The following CNIH3 variants were observed in gnomAD, a reference collection of about 807,000 sequenced individuals.
CNIH3 encodes cornichon family AMPA receptor auxiliary protein 3.
In CNIH3, 14 loss-of-function variants were observed where a neutral mutation model predicts 24.1. The observed-to-expected ratio is 0.58, with a 90% CI of 0.38 to 0.91. CNIH3 has a LOEUF of 0.91. CNIH3 is among the 40% of genes least tolerant of loss of function. CNIH3 has a pLI of 0.00. For synonymous variants in CNIH3, 68 were observed against 73.8 expected (o/e 0.92, Z 0.40); for missense variants, 178 against 196.8 (o/e 0.90, Z 0.57).
chr1:224,657,611 A>T (rs963887275), intron 1 of CNIH3, among the ~76,000 whole-genome samples: 3 of 152,210 alleles, frequency 2.0e-5, no homozygotes, highest in Non-Finnish European at 4.4e-5. Context: ...CAGTCCATGC[A>T]ATTAGTCCTG....
chr1:224,623,189 C>T (rs989249935), intron 1 of CNIH3, among the ~76,000 whole-genome samples: 1 of 152,152 alleles, frequency 6.6e-6, no homozygotes, highest in Non-Finnish European at 1.5e-5. Flanking sequence ...CACTCTGCTG[C>T]CCCAGGGGCT....
rs556565981 is a variant in CNIH3, at chr1:224,703,358, C to G, written c.198+18515C>G. Among the ~76,000 whole-genome samples, 4 of 152,172 alleles carry G rather than the reference C, an allele frequency of 2.6e-5. No individual in the cohort carries two copies. Among genetic ancestry groups the G allele is most frequent in the Non-Finnish European group, 5.9e-5 (4 of 68,024 alleles). On this transcript the variant is annotated intron_variant, in intron 3 of 5. Transcript: ENST00000272133. The surrounding 1 kb of genome is among the most constrained non-coding windows in gnomAD (Gnocchi z 4.2). ...CTTAGCAGAGGGGCTCAAACTTTGC[C>G]GCACATTAGAATCACCTGGGGGAAA... is the stretch of plus-strand genomic sequence containing the variant.
At chr1:224,532,084 A>G (rs1479632724) in intron 2 of CNIH3, among the ~76,000 whole-genome samples, 3 of 152,188 alleles carry the variant, frequency 2.0e-5, no homozygotes, top group Non-Finnish European at 4.4e-5. Context: ...ATGTACTTAT[A>G]AGGTATGGTG....
At chr1:224,647,235 G>C (rs1433225411) in intron 1 of CNIH3, among the ~76,000 whole-genome samples, 1 of 152,182 alleles carries the variant, frequency 6.6e-6, no homozygotes. Context: ...CGCTTGCTTC[G>C]GCATCCCAAA....
chr1:224,498,582 T>C (rs917051740), intron 1 of CNIH3, among the ~76,000 whole-genome samples: 4 of 152,172 alleles, frequency 2.6e-5, no homozygotes. Flanking sequence ...TTGTTTCTTA[T>C]GAAACTAAAA....
intron 1 of CNIH3, chr1:224,664,952 G>T (rs1417117672): frequency 6.6e-6 from 1 of 152,024 alleles, no homozygotes; most frequent in Non-Finnish European, 1.5e-5. Context: ...GGCTCTTCGG[G>T]GGCCTTGTGG....
At chr1:224,481,186 C>T (rs1348994878) in intron 1 of CNIH3, among the ~76,000 whole-genome samples, 1 of 152,206 alleles carries the variant, frequency 6.6e-6, no homozygotes, top group Non-Finnish European at 1.5e-5. Flanking sequence ...GAGACTTACT[C>T]ACTATCATGA....
intron 1 of CNIH3, among the ~76,000 whole-genome samples, chr1:224,676,355 C>T (rs1686139187): frequency 6.6e-6 from 1 of 151,902 alleles, no homozygotes; most frequent in Admixed American, 6.6e-5. Context: ...CGGGGTGAGA[C>T]ATGGCGGGGG....
At chr1:224,473,766 T>A (rs569663561) in intron 1 of CNIH3, among the ~76,000 whole-genome samples, 168 of 152,194 alleles carry the variant, frequency 1.1e-3, no homozygotes, top group African/African-American at 3.9e-3. Flanking sequence ...AAAGAAACAT[T>A]GGATTTAATC....
At chr1:224,686,065 G>T (rs113559240) in intron 3 of CNIH3, among the ~76,000 whole-genome samples, 3,064 of 151,216 alleles carry the variant, frequency 0.02, 87 homozygotes, top group African/African-American at 0.068. Context: ...GTGCAGGTTT[G>T]TTACATATGT....
chr1:224,586,046 A>G (rs1293784569), intron 5 of CNIH3, among the ~76,000 whole-genome samples: 1 of 152,248 alleles, frequency 6.6e-6, no homozygotes, highest in African/African-American at 2.4e-5. Flanking sequence ...AGGAAAAAGG[A>G]AAGACTTCCT....
At chr1:224,526,548 C>CTTTA (rs1278237832) in intron 2 of CNIH3, among the ~76,000 whole-genome samples, 1 of 152,004 alleles carries the variant, frequency 6.6e-6, no homozygotes, top group Non-Finnish European at 1.5e-5. Context: ...AGCAGATTCA[C>CTTTA]TTTATTTATT....
At chr1:224,437,632 C>T (rs12129540) in intron 1 of CNIH3, among the ~76,000 whole-genome samples, 4,031 of 152,112 alleles carry the variant, frequency 0.027, 87 homozygotes, top group Non-Finnish European at 0.045. Flanking sequence ...ATTTAGTGGG[C>T]CATAATTTGT....
At chr1:224,463,065 T>C (rs957200458) in intron 1 of CNIH3, among the ~76,000 whole-genome samples, 3 of 151,672 alleles carry the variant, frequency 2.0e-5, no homozygotes, top group African/African-American at 7.3e-5. Flanking sequence ...ACCCAGCTAA[T>C]TTTTGTATTT....
chr1:224,634,240 A>G (rs1374065148), intron 1 of CNIH3, among the ~76,000 whole-genome samples: 1 of 152,208 alleles, frequency 6.6e-6, no homozygotes, highest in Non-Finnish European at 1.5e-5. Context: ...GCAGGACTTT[A>G]GCAGAGCATG....
At chr1:224,498,710 T>C (rs747525026) in intron 1 of CNIH3, among the ~76,000 whole-genome samples, 2 of 152,174 alleles carry the variant, frequency 1.3e-5, no homozygotes, top group African/African-American at 2.4e-5. Flanking sequence ...GAATGGAGAA[T>C]GCATCAGAAC....
chr1:224,584,178 C>T (rs1488775112), intron 5 of CNIH3, among the ~76,000 whole-genome samples: 2 of 152,176 alleles, frequency 1.3e-5, no homozygotes, highest in East Asian at 3.8e-4. Flanking sequence ...TATTATAAAT[C>T]TCAGCTTGAG....
intron 1 of CNIH3, among the ~76,000 whole-genome samples, chr1:224,470,226 G>T (rs994479658): frequency 2.6e-5 from 4 of 151,670 alleles, no homozygotes; most frequent in Non-Finnish European, 4.4e-5. Flanking sequence ...CACTGTGTTA[G>T]CCAGGATAGT....
At chr1:224,603,651 T>C (rs1682296971) in intron 3 of CNIH3, among the ~76,000 whole-genome samples, 1 of 152,214 alleles carries the variant, frequency 6.6e-6, no homozygotes, top group South Asian at 2.1e-4. Context: ...TTTTTTATGG[T>C]TTTTGTCAGC....
Sources: allele counts gnomAD v4.1 joint callset (sites outside exome capture counted in the v4.1 genomes callset), GRCh38; gene constraint gnomAD v4.1.1; non-coding constraint Gnocchi (gnomAD v3.1); transcripts MANE v1.5; gene names NCBI Gene and HGNC (gene_info 2026-07-23, HGNC 2026-07-21).